Variants in WDR35 observed in about 807,000 individuals in gnomAD.
WDR35 encodes WD repeat domain 35, also known as WD repeat-containing protein 35.
Under a neutral mutation model 158.3 loss-of-function variants are expected in WDR35, and 118 were observed. The observed-to-expected ratio is 0.75, with a 90% CI of 0.64 to 0.87. The LOEUF (loss-of-function observed/expected upper bound fraction) is 0.87, where lower values mean the gene tolerates loss of function less well. Among genes scored for constraint, WDR35 ranks in the 40% least tolerant of loss-of-function variants. The probability of loss-of-function intolerance (pLI) is 0.00; values close to 1 mark genes in which losing one functional copy is unlikely to be tolerated. For missense variants in WDR35, 1,263 were observed against 1,405.8 expected (o/e 0.90, Z 1.62); for synonymous variants, 448 against 476.1 (o/e 0.94, Z 0.77).
At chr2:19,929,852 T>A (rs2103395240) in intron 25 of WDR35, among the ~76,000 whole-genome samples, 1 of 152,204 alleles carries the variant, frequency 6.6e-6, no homozygotes, top group South Asian at 2.1e-4. Flanking sequence ...TTCTTCATAT[T>A]TTTCTGTTTT....
At chr2:19,935,821 G>A (rs1020303613) in intron 20 of WDR35, among the ~76,000 whole-genome samples, 4 of 151,880 alleles carry the variant, frequency 2.6e-5, no homozygotes, top group South Asian at 2.1e-4. Flanking sequence ...AAATACCACC[G>A]CTTTACTCCC....
At chr2:19,939,901 A>C (rs1432300138) in intron 17 of WDR35, among the ~76,000 whole-genome samples, 1 of 152,206 alleles carries the variant, frequency 6.6e-6, no homozygotes, top group African/African-American at 2.4e-5. Context: ...AATATATAAA[A>C]GCAGACAAAA....
intron 25 of WDR35, among the ~76,000 whole-genome samples, chr2:19,918,552 A>C (rs759363149): frequency 4.6e-5 from 7 of 152,204 alleles, no homozygotes; most frequent in Non-Finnish European, 7.4e-5. Flanking sequence ...ATATTTACCA[A>C]GGAAATGGAA....
chr2:19,932,209 G>C, intron 23 of WDR35, 74 bp downstream of exon 23: 1 of 1,579,192 alleles, frequency 6.3e-7, no homozygotes, highest in Non-Finnish European at 8.7e-7. Context: ...AAAGAAAATG[G>C]AGAATATGCT....
intron 2 of WDR35, among the ~76,000 whole-genome samples, chr2:19,988,426 C>T (rs1228048319): frequency 6.6e-6 from 1 of 152,216 alleles, no homozygotes; most frequent in East Asian, 1.9e-4. Flanking sequence ...TTAACAACCT[C>T]TTCCAGTGAT....
chr2:19,961,418 C>A (rs987864046), intron 10 of WDR35, among the ~76,000 whole-genome samples: 1 of 152,220 alleles, frequency 6.6e-6, no homozygotes, highest in African/African-American at 2.4e-5. Context: ...ACAATTCTGA[C>A]TGAAAAATTT....
intron 4 of WDR35, among the ~76,000 whole-genome samples, chr2:19,979,142 CCT>C (rs1395571395): frequency 6.6e-6 from 1 of 151,918 alleles, no homozygotes; most frequent in Non-Finnish European, 1.5e-5. Flanking sequence ...TCTTTCTTTC[CCT>C]CTCTCTTTCT....
chr2:19,970,926 A>T (rs1672017114), intron 8 of WDR35, among the ~76,000 whole-genome samples: 1 of 152,200 alleles, frequency 6.6e-6, no homozygotes, highest in Admixed American at 6.5e-5. Context: ...GAGCTCCTTA[A>T]GAGTACTAAC....
intron 13 of WDR35, 62 bp from the exon 14 acceptor site, chr2:19,948,279 C>A: frequency 2.8e-6 from 4 of 1,436,236 alleles, no homozygotes; most frequent in African/African-American, 1.4e-5. Context: ...TAACCTGGTA[C>A]AACGTAGTAT....
chr2:19,969,825 G>A (rs1671979751), intron 8 of WDR35, among the ~76,000 whole-genome samples: 1 of 149,496 alleles, frequency 6.7e-6, no homozygotes, highest in African/African-American at 2.5e-5. Flanking sequence ...TCGGCTCACT[G>A]CAAGCTCCGC....
At chr2:19,940,558 T>C (rs1488923785) in intron 17 of WDR35, among the ~76,000 whole-genome samples, 1 of 152,106 alleles carries the variant, frequency 6.6e-6, no homozygotes, top group Non-Finnish European at 1.5e-5. Flanking sequence ...GGTTACATAA[T>C]CCTAGGTAAT....
In WDR35 at chr2:19,933,439, G is replaced by A; in HGVS notation, c.2620C>T (p.Pro874Ser). ...ACGCAGGTATCTACTGCTGCCTTTG[G>A]TTGACTACATTTCAAAAATGCAGTC... ...AVTAFLKCSQPKAAVDTCVHL... is the reference protein window; with the variant it reads ...AVTAFLKCSQSKAAVDTCVHL... Residue 874 changes from proline to serine, a missense_variant, in exon 22 of 27, where the codon CCA becomes TCA. By Grantham distance (74) the Pro-to-Ser change is moderately conservative. Coordinates refer to ENST00000281405, the MANE Select transcript of WDR35 (RefSeq NM_020779.4). 6.2e-7 allele frequency: 1 copy of A among 1,613,916 alleles called. No individual in the cohort carries two copies. The highest frequency in any genetic ancestry group is 8.5e-7 in the Non-Finnish European group (1 of 1,179,948).
intron 9 of WDR35, among the ~76,000 whole-genome samples, chr2:19,969,203 C>T (rs970881735): frequency 4.6e-5 from 7 of 152,208 alleles, no homozygotes; most frequent in African/African-American, 1.7e-4. Context: ...CCTTACTGTT[C>T]CCTTTAGCCC....
At chr2:19,918,215 C>CCT (rs143632001) in intron 25 of WDR35, among the ~76,000 whole-genome samples, 5,336 of 152,250 alleles carry the variant, frequency 0.035, 304 homozygotes, top group African/African-American at 0.12. Flanking sequence ...CACCATCAGG[C>CCT]CTCTCCTACA....
In WDR35 at chr2:19,917,703, T is replaced by C. The variant is rs1303001896; in HGVS notation, c.3122-3426A>G. Reference sequence around the variant, plus strand: ...GAAAACAAGATTAGAGAAAAAAGAGTGAAAAGAAATGAACAAAGCCTCCAA... The same window carrying C: ...GAAAACAAGATTAGAGAAAAAAGAGCGAAAAGAAATGAACAAAGCCTCCAA... On this transcript the variant is annotated intron_variant, in intron 25 of 26. Coordinates refer to ENST00000281405, the MANE Select transcript of WDR35 (RefSeq NM_020779.4). Among the ~76,000 whole-genome samples the C allele has an allele frequency of 2.0e-5, 3 of 147,784 alleles. 1 individual carries two copies. The South Asian group carries it at 6.6e-4, about 33-fold the overall frequency.
At chr2:19,930,096 A>T (rs1431035524) in intron 25 of WDR35, among the ~76,000 whole-genome samples, 1 of 150,474 alleles carries the variant, frequency 6.6e-6, no homozygotes, top group Non-Finnish European at 1.5e-5. Flanking sequence ...ATGTATATAT[A>T]TTTTTCTCCA....
Position 19,973,561 on chromosome 2 carries a change from A to T in WDR35, c.882+2T>A. Reference sequence around the variant, plus strand: ...AAAGAAGATCAATTTGAATGCATTTACCTCACCAAACGGAGTGTAAAACTG... The same window carrying T: ...AAAGAAGATCAATTTGAATGCATTTTCCTCACCAAACGGAGTGTAAAACTG... On this transcript the variant is annotated splice_donor_variant, in intron 8 of 26. Transcript: ENST00000281405. LOFTEE classifies it high-confidence loss of function. The T allele has an allele frequency of 6.2e-7, 1 of 1,614,164 alleles. No individual in the cohort carries two copies. The highest frequency in any genetic ancestry group is 1.1e-5 in the South Asian group (1 of 91,086).
Position 19,974,479 on chromosome 2 carries a change from T to G in WDR35, c.725A>C (p.Glu242Ala), listed in dbSNP as rs139543775. The G allele has an allele frequency of 6.2e-7, 1 of 1,608,578 alleles. No homozygotes were observed. ...GAAAAATTCCTTACTTTGGTCATTC[T>G]CATGTCTCATTATTTGGCATCTTCC... is the stretch of plus-strand genomic sequence containing the variant. ...DNGRCQIMRHENDQNPVLIDT... is the reference protein window; with the variant it reads ...DNGRCQIMRHANDQNPVLIDT... Residue 242 changes from glutamate to alanine, a missense_variant, in exon 7 of 27, where the codon GAG becomes GCG. Coordinates refer to ENST00000281405, the MANE Select transcript of WDR35 (RefSeq NM_020779.4).
intron 10 of WDR35, among the ~76,000 whole-genome samples, chr2:19,963,707 G>A (rs966337043): frequency 6.6e-6 from 1 of 150,452 alleles, no homozygotes; most frequent in Non-Finnish European, 1.5e-5. Context: ...ATCTAAAAAT[G>A]TCTGTATTCC....
Sources: allele counts gnomAD v4.1 joint callset (sites outside exome capture counted in the v4.1 genomes callset), GRCh38; gene constraint gnomAD v4.1.1; transcripts MANE v1.5; gene names NCBI Gene and HGNC (gene_info 2026-07-23, HGNC 2026-07-21).